The following TEX14 variants were observed in gnomAD, a reference collection of about 807,000 sequenced individuals.
The protein encoded by TEX14 is inactive serine/threonine-protein kinase TEX14.
Under a neutral mutation model 178.6 loss-of-function variants are expected in TEX14, and 168 were observed. The observed-to-expected ratio is 0.94, with a 90% CI of 0.83 to 1.07. TEX14 has a LOEUF of 1.07. Ranked by LOEUF, TEX14 falls within the 50% of genes least tolerant of loss-of-function variation. The pLI, the probability that TEX14 is intolerant of heterozygous loss-of-function variation, is 0.00. For synonymous variants in TEX14, 626 were observed against 634.1 expected, an observed-to-expected ratio of 0.99 and a Z score of 0.19; for missense variants, 1,730 against 1,753.6, an observed-to-expected ratio of 0.99 and a Z score of 0.24.
At chr17:58,663,763 A>G (rs1475048278) in intron 1 of TEX14, among the ~76,000 whole-genome samples, 1 of 152,162 alleles carries the variant, frequency 6.6e-6, no homozygotes, top group Non-Finnish European at 1.5e-5. Flanking sequence ...CCAATGTGCC[A>G]GGCCACTAAA....
At chr17:58,592,760 A>T (rs2045186352) in intron 15 of TEX14, among the ~76,000 whole-genome samples, 1 of 151,918 alleles carries the variant, frequency 6.6e-6, no homozygotes, top group Non-Finnish European at 1.5e-5. Context: ...GCTGCTCTCG[A>T]ACTCCTGACC....
At chr17:58,690,788 G>A (rs2047692277) in intron 1 of TEX14, among the ~76,000 whole-genome samples, 1 of 152,192 alleles carries the variant, frequency 6.6e-6, no homozygotes. Flanking sequence ...CTCCCCGCCA[G>A]TAGGGACTCA....
At chr17:58,679,595 A>G (rs1267885488) in intron 1 of TEX14, 1 of 152,230 alleles carries the variant, frequency 6.6e-6, no homozygotes, top group African/African-American at 2.4e-5. Flanking sequence ...TTTGTAGAAA[A>G]CCACAGGGGT....
chr17:58,573,846 G>C (rs1598349345), intron 22 of TEX14, among the ~76,000 whole-genome samples: 1 of 152,032 alleles, frequency 6.6e-6, no homozygotes, highest in East Asian at 1.9e-4. Flanking sequence ...GCTAGATACT[G>C]TAACTTTAAA....
intron 29 of TEX14, 23 bp downstream of exon 29, chr17:58,561,497 A>G (rs1405636532): frequency 6.7e-7 from 1 of 1,503,272 alleles, no homozygotes. Flanking sequence ...GAAGAAAAGG[A>G]TTCCCCTTTG....
chr17:58,602,020 A>G, intron 12 of TEX14, 64 bp from the exon 13 acceptor site: 10 of 1,552,408 alleles, frequency 6.4e-6, no homozygotes, highest in Non-Finnish European at 7.9e-6. Context: ...CTGGTGCTTT[A>G]GAAACCATCT....
chr17:58,691,106 T>G (rs2047705148), intron 1 of TEX14, among the ~76,000 whole-genome samples: 1 of 151,956 alleles, frequency 6.6e-6, no homozygotes, highest in Admixed American at 6.6e-5. Context: ...TCCACCTGCC[T>G]CGACCTCCCA....
intron 2 of TEX14, chr17:58,631,739 A>G (rs1002186281): frequency 2.1e-4 from 31 of 144,344 alleles, no homozygotes; most frequent in African/African-American, 7.7e-4. Flanking sequence ...TCGTGAGAGA[A>G]CACAAATATC....
At chr17:58,572,370 C>T (rs1329697465) in intron 23 of TEX14, among the ~76,000 whole-genome samples, 1 of 152,150 alleles carries the variant, frequency 6.6e-6, no homozygotes, top group East Asian at 1.9e-4. Flanking sequence ...GTGGCTCACG[C>T]CTGTAATCCC....
chr17:58,623,447 G>A lies in TEX14; in HGVS notation c.252-435C>T, dbSNP rs117584477. 4.2e-3 allele frequency among the ~76,000 whole-genome samples: 636 copies of A among 152,160 alleles called. 7 individuals carry two copies. The highest frequency in any genetic ancestry group is 6.3e-3 in the Non-Finnish European group (430 of 68,012). ...AGCCTAACAAGGCGCCACCTCTCTCGTTTGAGAATGTCTCCCCACAGCCCC... is the reference window on the plus strand; with the variant it reads ...AGCCTAACAAGGCGCCACCTCTCTCATTTGAGAATGTCTCCCCACAGCCCC... On this transcript the variant is annotated intron_variant, in intron 3 of 31. Coordinates refer to ENST00000349033, the MANE Select transcript of TEX14 (RefSeq NM_031272.5).
chr17:58,593,596 G>C lies in TEX14; in HGVS notation c.2535C>G (p.Ala845=), dbSNP rs1435507783. 1 of 1,614,062 alleles carries C rather than the reference G, an allele frequency of 6.2e-7. No homozygotes were observed. Among genetic ancestry groups the C allele is most frequent in the East Asian group, 2.2e-5 (1 of 44,882 alleles). ...TDEQFQCTQG[A]KDSLETSRIQ... is the part of the protein sequence containing the mutation. ...TCCTGCTTGTTTCCAAACTGTCCTTGGCTCCTTGAGTGCACTGAAATTGTT... is the reference window on the plus strand; with the variant it reads ...TCCTGCTTGTTTCCAAACTGTCCTTCGCTCCTTGAGTGCACTGAAATTGTT... The change falls in exon 15 of 32, where the codon GCC becomes GCG. Residue 845 remains alanine (A), a synonymous_variant. Transcript: ENST00000349033.
chr17:58,604,389 T>C (rs910330025), intron 11 of TEX14, among the ~76,000 whole-genome samples: 1 of 151,072 alleles, frequency 6.6e-6, no homozygotes, highest in Non-Finnish European at 1.5e-5. Context: ...AAGAATCGCT[T>C]GGACCCGGGA....
chr17:58,632,135 G>A (rs1302110906), intron 2 of TEX14, among the ~76,000 whole-genome samples: 1 of 152,252 alleles, frequency 6.6e-6, no homozygotes, highest in African/African-American at 2.4e-5. Flanking sequence ...GCGCGCCGGA[G>A]CGCCAGAAAC....
intron 29 of TEX14, among the ~76,000 whole-genome samples, chr17:58,560,012 T>C (rs1464356340): frequency 6.6e-6 from 1 of 152,202 alleles, no homozygotes; most frequent in East Asian, 1.9e-4. Context: ...AACTCTCTCC[T>C]AAGTGAAATA....
intron 17 of TEX14, among the ~76,000 whole-genome samples, chr17:58,587,131 G>T (rs1346735556): frequency 6.6e-6 from 1 of 152,170 alleles, no homozygotes; most frequent in African/African-American, 2.4e-5. Context: ...TTATTTAGAA[G>T]TATGGTGATG....
chr17:58,685,777 A>T (rs1405914708), intron 1 of TEX14, among the ~76,000 whole-genome samples: 1 of 151,490 alleles, frequency 6.6e-6, no homozygotes, highest in Non-Finnish European at 1.5e-5. Context: ...GGATCACCTG[A>T]GGTCAGGAGT....
intron 15 of TEX14, among the ~76,000 whole-genome samples, chr17:58,591,421 G>A (rs2045138138): frequency 1.3e-5 from 2 of 152,244 alleles, no homozygotes; most frequent in Admixed American, 1.3e-4. Flanking sequence ...GGGAGGATGA[G>A]GCAGGAGAAT....
At position 58,617,602 on chromosome 17, in the gene TEX14, GGA is replaced by G; in HGVS notation, c.570_571del (p.Pro191Ter). On this transcript the variant is annotated frameshift_variant, in exon 6 of 32. Transcript: ENST00000349033. LOFTEE classifies it high-confidence loss of function. ...GACTCCAGCTTTAAGCAGTCGGTTA[GGA>G]GAGCCATTAGGGTTTCTAGAAATAT... 1 of 1,612,936 alleles carries G rather than the reference GGA, an allele frequency of 6.2e-7. No homozygotes were observed. Among genetic ancestry groups the G allele is most frequent in the Non-Finnish European group, 8.5e-7 (1 of 1,179,256 alleles).
At chr17:58,616,391 T>A (rs1466694060) in intron 6 of TEX14, 86 bp from the exon 7 acceptor site, 4 of 1,523,232 alleles carry the variant, frequency 2.6e-6, no homozygotes, top group African/African-American at 1.4e-5. Context: ...GCTAAAAGAA[T>A]GAGAGCTGCT....
Sources: allele counts gnomAD v4.1 joint callset (sites outside exome capture counted in the v4.1 genomes callset), GRCh38; gene constraint gnomAD v4.1.1; transcripts MANE v1.5; gene names NCBI Gene and HGNC (gene_info 2026-07-23, HGNC 2026-07-21).